Variants in VPS13A observed in about 807,000 individuals in gnomAD.
VPS13A encodes vacuolar protein sorting 13 homolog A, also known as intermembrane lipid transfer protein VPS13A.
VPS13A carries 264 observed loss-of-function variants against 390.9 expected under a neutral mutation model. That is an observed-to-expected ratio of 0.68 (90% confidence interval 0.61 to 0.75). The LOEUF (loss-of-function observed/expected upper bound fraction) is 0.75, where lower values mean the gene tolerates loss of function less well. Ranked by LOEUF, VPS13A falls within the 30% of genes least tolerant of loss-of-function variation. The pLI, the probability that VPS13A is intolerant of heterozygous loss-of-function variation, is 0.00. For synonymous variants in VPS13A, 1,231 were observed against 1,227.1 expected, an observed-to-expected ratio of 1.00 and a Z score of -0.07; for missense variants, 3,409 against 3,733.9, an observed-to-expected ratio of 0.91 and a Z score of 2.27.
Position 77,314,063 on chromosome 9 carries a change from A to G in VPS13A, c.4186A>G (p.Ile1396Val). 1.2e-6 allele frequency: 2 copies of G among 1,613,460 alleles called. No homozygotes were observed. The highest frequency in any genetic ancestry group is 1.7e-6 in the Non-Finnish European group (2 of 1,179,608). Residue 1396 changes from isoleucine (I) to valine (V), a missense_variant, in exon 36 of 72, where the codon ATA (isoleucine) becomes GTA (valine). Coordinates refer to ENST00000360280, the MANE Select transcript of VPS13A (RefSeq NM_033305.3). ...RALLVKTTLN[I>V]SFKTDDLTMV... ...CTTACTAGTTAAGACAACACTAAAC[A>G]TAAGCTTCAAAACTGATGATCTCAC...
chr9:77,212,516 T>C (rs1781110543), intron 7 of VPS13A, among the ~76,000 whole-genome samples: 1 of 152,128 alleles, frequency 6.6e-6, no homozygotes, highest in African/African-American at 2.4e-5. Flanking sequence ...ATTTTTTTTG[T>C]AGAGACAAGG....
chr9:77,316,928 A>G (rs967131707), intron 39 of VPS13A, among the ~76,000 whole-genome samples: 9 of 152,032 alleles, frequency 5.9e-5, no homozygotes, highest in African/African-American at 2.2e-4. Flanking sequence ...AACTCTACTT[A>G]AAATTCATTC....
At chr9:77,264,750 G>T (rs779195321) in intron 23 of VPS13A, among the ~76,000 whole-genome samples, 1 of 152,048 alleles carries the variant, frequency 6.6e-6, no homozygotes, top group African/African-American at 2.4e-5. Flanking sequence ...AAACAGAGAC[G>T]ATTTGATTTC....
At chr9:77,207,237 A>ATG (rs1564630306) in intron 5 of VPS13A, among the ~76,000 whole-genome samples, 7 of 79,524 alleles carry the variant, frequency 8.8e-5, no homozygotes, top group East Asian at 1.2e-3. Flanking sequence ...ATATATATAT[A>ATG]TATATATATA....
At chr9:77,280,118 C>A (rs757521852) in intron 26 of VPS13A, 41 bp from the exon 27 acceptor site, 1 of 1,451,944 alleles carries the variant, frequency 6.9e-7, no homozygotes, top group Non-Finnish European at 9.5e-7. Context: ...TTTTCAGTTA[C>A]CTTTCCGATG....
chr9:77,350,290 A>G (rs994301502), intron 52 of VPS13A, among the ~76,000 whole-genome samples: 1 of 152,178 alleles, frequency 6.6e-6, no homozygotes, highest in African/African-American at 2.4e-5. Flanking sequence ...AATATGTATT[A>G]TTTCATTCAA....
At chr9:77,387,364 A>AGGTGTGGC (rs1361156575) in intron 68 of VPS13A, among the ~76,000 whole-genome samples, 1 of 152,206 alleles carries the variant, frequency 6.6e-6, no homozygotes, top group Non-Finnish European at 1.5e-5. Flanking sequence ...GCTGTTTGAA[A>AGGTGTGGC]ATTATGTAAT....
intron 71 of VPS13A, among the ~76,000 whole-genome samples, chr9:77,408,995 T>C (rs577906789): frequency 1.3e-5 from 2 of 152,180 alleles, no homozygotes; most frequent in Non-Finnish European, 2.9e-5. Flanking sequence ...ACAGACTGCC[T>C]CCTCAAGTGG....
intron 19 of VPS13A, among the ~76,000 whole-genome samples, chr9:77,246,050 G>A (rs2131256365): frequency 6.6e-6 from 1 of 152,224 alleles, no homozygotes; most frequent in South Asian, 2.1e-4. Context: ...ACAACATCAA[G>A]CCATTTGTGA....
intron 19 of VPS13A, among the ~76,000 whole-genome samples, chr9:77,240,911 G>GTT (rs563721769): frequency 2.7e-5 from 4 of 150,908 alleles, no homozygotes; most frequent in African/African-American, 9.7e-5. Context: ...TGTGTCTGCT[G>GTT]TTTTTTTTTG....
At chr9:77,332,151 CTT>C (rs746154388) in intron 46 of VPS13A, 38 bp downstream of exon 46, 1 of 1,510,546 alleles carries the variant, frequency 6.6e-7, no homozygotes, top group South Asian at 1.1e-5. Flanking sequence ...TCTAAAATCT[CTT>C]GTAGAATTTT....
At chr9:77,373,829 C>G (rs1037437562) in intron 67 of VPS13A, among the ~76,000 whole-genome samples, 1 of 151,826 alleles carries the variant, frequency 6.6e-6, no homozygotes, top group African/African-American at 2.4e-5. Flanking sequence ...GGGCGAAGGA[C>G]ATGAACAGAC....
At chr9:77,262,563 C>T (rs966104376) in intron 23 of VPS13A, among the ~76,000 whole-genome samples, 2 of 152,036 alleles carry the variant, frequency 1.3e-5, no homozygotes, top group Admixed American at 1.3e-4. Context: ...AGGTATTTCT[C>T]CTAAAGCTAT....
intron 50 of VPS13A, among the ~76,000 whole-genome samples, chr9:77,343,942 T>C (rs928826050): frequency 2.0e-5 from 3 of 152,212 alleles, no homozygotes; most frequent in African/African-American, 7.2e-5. Context: ...TTCAATTTGC[T>C]ATCCACTGCT....
At chr9:77,248,695 A>G (rs1217621272) in intron 20 of VPS13A, among the ~76,000 whole-genome samples, 2 of 152,092 alleles carry the variant, frequency 1.3e-5, no homozygotes, top group Non-Finnish European at 2.9e-5. Context: ...GCCACATTTA[A>G]GAGTTTAATA....
chr9:77,213,373 C>T, intron 9 of VPS13A, 59 bp downstream of exon 9: 1 of 1,371,498 alleles, frequency 7.3e-7, no homozygotes, highest in Non-Finnish European at 1.0e-6. Flanking sequence ...AGGTTTAATT[C>T]ATTGTCATTT....
intron 20 of VPS13A, among the ~76,000 whole-genome samples, chr9:77,247,726 C>T (rs1824902562): frequency 6.6e-6 from 1 of 152,102 alleles, no homozygotes; most frequent in South Asian, 2.1e-4. Flanking sequence ...AGTACTGCGA[C>T]CTTGGCTCAC....
At chr9:77,340,307 G>T in intron 49 of VPS13A, 25 bp downstream of exon 49, 1 of 1,607,672 alleles carries the variant, frequency 6.2e-7, no homozygotes, top group Non-Finnish European at 8.5e-7. Context: ...TGCTTATCAA[G>T]AAACTTTTAT....
chr9:77,260,307 TAA>T, intron 23 of VPS13A, 83 bp downstream of exon 23: 1 of 1,388,934 alleles, frequency 7.2e-7, no homozygotes, highest in East Asian at 2.5e-5. Flanking sequence ...GAATTTTATA[TAA>T]GACAATTTGC....
Sources: allele counts gnomAD v4.1 joint callset (sites outside exome capture counted in the v4.1 genomes callset), GRCh38; gene constraint gnomAD v4.1.1; transcripts MANE v1.5; gene names NCBI Gene and HGNC (gene_info 2026-07-23, HGNC 2026-07-21).